The following LAMA1 variants were observed in gnomAD, a reference collection of about 807,000 sequenced individuals.
The protein encoded by LAMA1 is laminin subunit alpha 1.
Under a neutral mutation model 348.7 loss-of-function variants are expected in LAMA1, and 219 were observed. The ratio of observed to expected loss-of-function variants is 0.63; its 90% CI spans 0.56 to 0.70. The LOEUF is 0.70. Ranked by LOEUF, LAMA1 falls within the 30% of genes least tolerant of loss-of-function variation. The pLI, the probability that LAMA1 is intolerant of heterozygous loss-of-function variation, is 0.00. For synonymous variants in LAMA1, 1,487 were observed against 1,491.0 expected, an observed-to-expected ratio of 1.00 and a Z score of 0.06; for missense variants, 3,744 against 3,888.0, an observed-to-expected ratio of 0.96 and a Z score of 0.99.
rs367927216 is a variant in LAMA1, at chr18:6,949,217, C to T, written c.8440G>A (p.Asp2814Asn). 45 of 1,614,044 alleles carry T rather than the reference C, an allele frequency of 2.8e-5. No individual in the cohort carries two copies. The highest frequency in any genetic ancestry group is 8.0e-5 in the African/African-American group (6 of 74,916). ...GTCACCATGGGAGACTCTCGGCCGT[C>T]GACAGTTATGAAGCCTTTTCTTTTA... The part of the protein sequence containing the change: ...YVKRKGFITV[D>N]GRESPMVTVV... The change falls in exon 59 of 63, where the codon GAC becomes AAC. Residue 2814 changes from aspartate (D) to asparagine (N), a missense_variant. Coordinates refer to ENST00000389658, the MANE Select transcript of LAMA1 (RefSeq NM_005559.4).
At chr18:7,112,529 G>T (rs955753102) in intron 1 of LAMA1, among the ~76,000 whole-genome samples, 3 of 151,786 alleles carry the variant, frequency 2.0e-5, no homozygotes, top group African/African-American at 7.3e-5. Flanking sequence ...AAAAAGCCAA[G>T]TCTTAACTTT....
intron 3 of LAMA1, among the ~76,000 whole-genome samples, chr18:7,073,258 A>G (rs1275595056): frequency 6.6e-6 from 1 of 152,178 alleles, no homozygotes; most frequent in African/African-American, 2.4e-5. Context: ...AGTTGTAGAA[A>G]AATATACGTA....
At chr18:7,081,538 CT>C (rs1296195997) in intron 1 of LAMA1, among the ~76,000 whole-genome samples, 9 of 152,178 alleles carry the variant, frequency 5.9e-5, no homozygotes, top group African/African-American at 2.2e-4. Context: ...TGTACTGTTC[CT>C]TTGTCTCAGC....
intron 1 of LAMA1, 42 bp downstream of exon 1, chr18:7,117,618 G>T: frequency 6.3e-7 from 1 of 1,584,182 alleles, no homozygotes; most frequent in Non-Finnish European, 8.5e-7. Context: ...CCGCCCGCCC[G>T]CCTGCGGGGG....
chr18:7,078,151 T>A (rs1234697662), intron 3 of LAMA1, among the ~76,000 whole-genome samples: 1 of 150,168 alleles, frequency 6.7e-6, no homozygotes, highest in African/African-American at 2.4e-5. Context: ...TTTTTTTTGT[T>A]TTTTATTTTA....
At chr18:6,943,507 G>A in intron 61 of LAMA1, 105 bp from the exon 62 acceptor site, 1 of 923,180 alleles carries the variant, frequency 1.1e-6, no homozygotes, top group South Asian at 1.3e-5. Context: ...TAAAAGGAGA[G>A]CTAACTAGGA....
At chr18:7,025,340 C>T (rs630501) in intron 17 of LAMA1, among the ~76,000 whole-genome samples, 93,487 of 152,056 alleles carry the variant, frequency 0.61, 30,780 homozygotes, top group African/African-American at 0.85. Context: ...GCCTGTGAAA[C>T]TCCTTCTCCT....
intron 1 of LAMA1, among the ~76,000 whole-genome samples, chr18:7,082,688 G>T (rs117392532): frequency 4.6e-5 from 7 of 151,998 alleles, no homozygotes; most frequent in Non-Finnish European, 1.0e-4. Context: ...AAACTATAGC[G>T]TTTTGTCCAA....
intron 22 of LAMA1, among the ~76,000 whole-genome samples, chr18:7,014,566 GAGCTTTGAGGATAC>G (rs71165713): frequency 0.034 from 1,446 of 42,362 alleles, 12 homozygotes; most frequent in Middle Eastern, 0.076. Context: ...AGGATACAGT[GAGCTTTGAGGATAC>G]AGTGAGCTTT....
At position 6,971,956 on chromosome 18, in the gene LAMA1, T is replaced by C. The variant is rs2057660553; in HGVS notation, c.6800A>G (p.His2267Arg). ...IKKSPAVKVTHFKGCLGEAFL... is the reference protein window; with the variant it reads ...IKKSPAVKVTRFKGCLGEAFL... Reference sequence around the variant, plus strand: ...GGCCTCCCCCAAGCAGCCTTTAAAATGAGTAACCTTCACAGCAGGAGATTT... The same window carrying C: ...GGCCTCCCCCAAGCAGCCTTTAAAACGAGTAACCTTCACAGCAGGAGATTT... The change falls in exon 48 of 63, where the codon CAT (histidine) becomes CGT (arginine). Residue 2267 changes from histidine to arginine, a missense_variant. Around this residue, in one of 3 missense-constraint regions of LAMA1, gnomAD observed 1,983 missense variants for 1,934.3 expected, o/e 1.03. Transcript: ENST00000389658. 1 of 1,614,080 alleles carries C rather than the reference T, an allele frequency of 6.2e-7. No homozygotes were observed. The highest frequency in any genetic ancestry group is 8.5e-7 in the Non-Finnish European group (1 of 1,180,014).
At position 6,948,400 on chromosome 18, in the gene LAMA1, T is replaced by C. The variant is rs2057531574; in HGVS notation, c.8710+3A>G. The C allele has an allele frequency of 6.2e-7, 1 of 1,614,076 alleles. No homozygotes were observed. Among genetic ancestry groups the C allele is most frequent in the Non-Finnish European group, 8.5e-7 (1 of 1,180,050 alleles). Reference sequence around the variant, plus strand: ...TGCCTTCGAGAGTGTTGCTAACACATACCAAGAGCTGCATATCCGCTTCCG... The same window carrying C: ...TGCCTTCGAGAGTGTTGCTAACACACACCAAGAGCTGCATATCCGCTTCCG... On this transcript the variant is annotated splice_donor_region_variant and intron_variant, in intron 60 of 62. Coordinates refer to ENST00000389658, the MANE Select transcript of LAMA1 (RefSeq NM_005559.4).
chr18:7,108,214 T>C (rs1032039210), intron 1 of LAMA1, among the ~76,000 whole-genome samples: 5 of 151,768 alleles, frequency 3.3e-5, no homozygotes, highest in East Asian at 3.9e-4. Flanking sequence ...TGTGTGCCTG[T>C]AGTCCCAGCT....
chr18:7,000,045 T>C, intron 30 of LAMA1, 48 bp from the exon 31 acceptor site: 1 of 1,390,140 alleles, frequency 7.2e-7, no homozygotes, highest in Non-Finnish European at 1.0e-6. Context: ...ACAATTTCCA[T>C]CTTTCCTTAA....
Position 6,974,201 on chromosome 18 carries a change from G to GA in LAMA1, c.6623+701dup, listed in dbSNP as rs564289745. 6.2e-3 allele frequency among the ~76,000 whole-genome samples: 947 copies of GA among 151,802 alleles called. 6 individuals are homozygous for GA. Among genetic ancestry groups the GA allele is most frequent in the African/African-American group, 0.021 (888 of 41,398 alleles). ...TCAAAGTTTGTTTCTCCTGCAGTAA[G>GA]AAAAAAATCCAAACCTTAAGTTTTT... On this transcript the variant is annotated intron_variant, in intron 46 of 62. Transcript: ENST00000389658.
intron 3 of LAMA1, among the ~76,000 whole-genome samples, chr18:7,061,729 T>C (rs2058102562): frequency 6.6e-6 from 1 of 152,056 alleles, no homozygotes; most frequent in Non-Finnish European, 1.5e-5. Flanking sequence ...TCTGCAATAT[T>C]CCATAAAAAA....
chr18:6,985,305 T>C lies in LAMA1; in HGVS notation c.5592A>G (p.Ala1864=). 6.2e-7 allele frequency: 1 copy of C among 1,614,214 alleles called. No individual in the cohort carries two copies. Among genetic ancestry groups the C allele is most frequent in the Non-Finnish European group, 8.5e-7 (1 of 1,180,024 alleles). Residue 1864 remains alanine, a synonymous_variant, in exon 39 of 63, where the codon GCA becomes GCG. Transcript: ENST00000389658. The part of the protein sequence containing the change: ...DLVMHMSQRN[A]VDLVYRAEDH... Reference sequence around the variant, plus strand: ...CCTCAGCTCTGTAGACCAGGTCGACTGCGTTCCTTTGGGACATGTGCATGA... The same window carrying C: ...CCTCAGCTCTGTAGACCAGGTCGACCGCGTTCCTTTGGGACATGTGCATGA...
At chr18:6,953,656 C>T (rs548592784) in intron 57 of LAMA1, 2 of 152,344 alleles carry the variant, frequency 1.3e-5, no homozygotes, top group South Asian at 4.1e-4. Context: ...CCCTATACCT[C>T]AATCTCCTTA....
chr18:6,985,723 G>A (rs2144058669), intron 37 of LAMA1, 80 bp from the exon 38 acceptor site: 1 of 858,486 alleles, frequency 1.2e-6, no homozygotes, highest in Non-Finnish European at 2.0e-6. Context: ...GCTACGTGCA[G>A]AAGTTAGTGC....
chr18:6,998,144 A>G (rs942049374), intron 32 of LAMA1, among the ~76,000 whole-genome samples: 10 of 152,162 alleles, frequency 6.6e-5, no homozygotes, highest in African/African-American at 2.2e-4. Flanking sequence ...CACAGAAAGA[A>G]ACAGCTGAGG....
Sources: allele counts gnomAD v4.1 joint callset (sites outside exome capture counted in the v4.1 genomes callset), GRCh38; gene constraint gnomAD v4.1.1; regional missense constraint gnomAD v4.1.1; transcripts MANE v1.5; gene names NCBI Gene and HGNC (gene_info 2026-07-23, HGNC 2026-07-21).